The following ARPC1B variants were observed in gnomAD, a reference collection of about 807,000 sequenced individuals.
ARPC1B encodes the protein actin-related protein 2/3 complex subunit 1B.
Under a neutral mutation model 46.0 loss-of-function variants are expected in ARPC1B, and 29 were observed. The ratio of observed to expected loss-of-function variants is 0.63; its 90% CI spans 0.47 to 0.86. The LOEUF is 0.86. Among genes scored for constraint, ARPC1B ranks in the 40% least tolerant of loss-of-function variants. The probability of loss-of-function intolerance (pLI) is 0.00; values close to 1 mark genes in which losing one functional copy is unlikely to be tolerated. For missense variants in ARPC1B, 469 were observed against 529.4 expected (o/e 0.89, Z 1.12); for synonymous variants, 201 against 213.9 (o/e 0.94, Z 0.53).
At chr7:99,393,622 G>C (rs532221338) in intron 8 of ARPC1B, among the ~76,000 whole-genome samples, 1 of 152,278 alleles carries the variant, frequency 6.6e-6, no homozygotes, top group South Asian at 2.1e-4. Context: ...AGCGGGAGCT[G>C]TATGGCAAGA....
intron 2 of ARPC1B, chr7:99,386,271 A>T (rs947652353): frequency 5.5e-6 from 2 of 361,504 alleles, no homozygotes; most frequent in African/African-American, 4.3e-5. Context: ...AAAGAGAGAA[A>T]GAAAGAAAGA....
At chr7:99,387,997 T>C in intron 3 of ARPC1B, 42 bp from the exon 4 acceptor site, 2 of 1,380,766 alleles carry the variant, frequency 1.4e-6, no homozygotes, top group Non-Finnish European at 2.0e-6. Context: ...CACCTCTGCC[T>C]GAGTGTCATC....
intron 1 of ARPC1B, chr7:99,384,176 A>T (rs1584403038): frequency 6.6e-6 from 1 of 152,488 alleles, no homozygotes; most frequent in Admixed American, 6.5e-5. Flanking sequence ...CGGCAGGTGG[A>T]GGAGGCTAGG....
chr7:99,384,690 G>A (rs1198518869), intron 1 of ARPC1B, among the ~76,000 whole-genome samples: 1 of 152,124 alleles, frequency 6.6e-6, no homozygotes, highest in Non-Finnish European at 1.5e-5. Context: ...TGGAGAATGG[G>A]ATGTATCTGT....
At chr7:99,392,353 G>C (rs538577181) in intron 7 of ARPC1B, among the ~76,000 whole-genome samples, 1 of 152,200 alleles carries the variant, frequency 6.6e-6, no homozygotes, top group Non-Finnish European at 1.5e-5. Context: ...GGGGGTGCCA[G>C]GGCCAGGTCA....
At chr7:99,378,520 A>G (rs982255403) in intron 1 of ARPC1B, among the ~76,000 whole-genome samples, 1 of 151,308 alleles carries the variant, frequency 6.6e-6, no homozygotes, top group Non-Finnish European at 1.5e-5. Context: ...CTCTACTAAA[A>G]ACAAAAACAA....
intron 8 of ARPC1B, among the ~76,000 whole-genome samples, chr7:99,393,304 C>T (rs1459795360): frequency 6.6e-6 from 1 of 152,190 alleles, no homozygotes; most frequent in Non-Finnish European, 1.5e-5. Context: ...GGGTCGACCT[C>T]TTTAGGTTGC....
rs114808620 is a variant in ARPC1B at position 99,383,843 on chromosome 7, C to T, written c.-13-1859C>T. On this transcript the variant is annotated intron_variant, in intron 1 of 9. Transcript: ENST00000646101. ...CAAAGGGCTGGTATATCACATCCAT[C>T]ACAGGCTAAGAGTAACCGCCTCGTG... is the stretch of plus-strand genomic sequence containing the variant. 4.4e-3 allele frequency among the ~76,000 whole-genome samples: 668 copies of T among 152,318 alleles called. 2 individuals carry two copies. The highest frequency in any genetic ancestry group is 0.015 in the African/African-American group (638 of 41,564).
At chr7:99,391,865 A>C (rs1222308529) in intron 7 of ARPC1B, among the ~76,000 whole-genome samples, 1 of 151,874 alleles carries the variant, frequency 6.6e-6, no homozygotes, top group Non-Finnish European at 1.5e-5. Context: ...CAACCTGGCC[A>C]ACATGGCAAA....
In ARPC1B at chr7:99,394,177, A is replaced by G. The variant is rs948664706; in HGVS notation, c.1080+58A>G. 4 of 1,558,040 alleles carry G rather than the reference A, an allele frequency of 2.6e-6. No homozygotes were observed. The African/African-American group carries it at 5.4e-5, about 21-fold the overall frequency. On this transcript the variant is annotated intron_variant, in intron 9 of 9. Transcript: ENST00000646101. ...CCTCCCAGGTCAACCCTTTCCCCCC[A>G]TCCCCACTCCCTGGAGATGACCCCC... is the stretch of plus-strand genomic sequence containing the variant.
intron 1 of ARPC1B, among the ~76,000 whole-genome samples, chr7:99,376,082 C>G (rs113005214): frequency 0.02 from 2,853 of 142,352 alleles, 106 homozygotes; most frequent in African/African-American, 0.071. Flanking sequence ...AAAAAAGCCA[C>G]GTAACATGCC....
rs773085531 is a variant in ARPC1B at position 99,394,779 on chromosome 7, TA to T, written c.*312del. On this transcript the variant is annotated 3_prime_UTR_variant, in exon 10 of 10. Transcript: ENST00000646101. ...GTGGAGGTAATAAAATGCAACTGTGTAAAAAAAAAAAAAAAAAAAAAAGTAA... is the reference window on the plus strand; with the variant it reads ...GTGGAGGTAATAAAATGCAACTGTGTAAAAAAAAAAAAAAAAAAAAAGTAA... 161,839 of 920,742 alleles carry T rather than the reference TA, an allele frequency of 0.18. 40 individuals are homozygous for T. The highest frequency in any genetic ancestry group is 0.19 in the Non-Finnish European group (144,759 of 774,644). 57.0% of individuals were successfully genotyped at this position (920,742 alleles called of 1,614,324 possible).
chr7:99,389,733 C>T, intron 4 of ARPC1B, 172 bp from the exon 5 acceptor site: 2 of 643,938 alleles, frequency 3.1e-6, no homozygotes, highest in Non-Finnish European at 5.5e-6. Flanking sequence ...ACAGCACATC[C>T]CTGCCGCCCC....
chr7:99,393,008 G>A, intron 8 of ARPC1B, 132 bp downstream of exon 8: 2 of 1,016,038 alleles, frequency 2.0e-6, no homozygotes, highest in South Asian at 1.8e-5. Context: ...GGACCCGGAG[G>A]GAGGGTAGGC....
At chr7:99,394,200 C>G in intron 9 of ARPC1B, 81 bp downstream of exon 9, 1 of 1,451,718 alleles carries the variant, frequency 6.9e-7, no homozygotes, top group Non-Finnish European at 9.5e-7. Flanking sequence ...GGAGATGACC[C>G]CCATCCTTCA....
intron 7 of ARPC1B, 36 bp from the exon 8 acceptor site, chr7:99,392,635 T>G: frequency 6.9e-7 from 1 of 1,443,636 alleles, no homozygotes; most frequent in Non-Finnish European, 9.1e-7. Context: ...CGGTTTCCCC[T>G]CCGCGGCGCT....
In ARPC1B at chr7:99,388,206, G is replaced by C. The variant is rs781418758; in HGVS notation, c.337G>C (p.Val113Leu). The C allele has an allele frequency of 1.2e-6, 2 of 1,614,258 alleles. No homozygotes were observed. The highest frequency in any genetic ancestry group is 1.7e-6 in the Non-Finnish European group (2 of 1,180,034). ...RWAPNENKFA[V>L]GSGSRVISIC... ...GGCCCCCAACGAGAACAAGTTTGCT[G>C]TGGGCAGCGGCTCTCGTGTGATCTC... Residue 113 changes from valine (V) to leucine (L), a missense_variant, in exon 4 of 10, where the codon GTG becomes CTG. Coordinates refer to ENST00000646101, the MANE Select transcript of ARPC1B (RefSeq NM_005720.4).
chr7:99,391,723 C>T (rs1794576071), intron 7 of ARPC1B, among the ~76,000 whole-genome samples: 1 of 145,724 alleles, frequency 6.9e-6, no homozygotes, highest in Non-Finnish European at 1.5e-5. Flanking sequence ...TACCTCTGCA[C>T]TTCAGCCTCG....
intron 1 of ARPC1B, among the ~76,000 whole-genome samples, chr7:99,382,125 T>C (rs1158199602): frequency 6.6e-6 from 1 of 151,672 alleles, no homozygotes; most frequent in Non-Finnish European, 1.5e-5. Context: ...CTGGTGGGAG[T>C]GTTGAAGTCA....
Sources: allele counts gnomAD v4.1 joint callset (sites outside exome capture counted in the v4.1 genomes callset), GRCh38; gene constraint gnomAD v4.1.1; transcripts MANE v1.5; gene names NCBI Gene and HGNC (gene_info 2026-07-23, HGNC 2026-07-21).